NBEAL1: variants seen among roughly 807,000 people sequenced by gnomAD.
The protein encoded by NBEAL1 is neurobeachin-like protein 1.
NBEAL1 carries 273 observed loss-of-function variants against 351.3 expected under a neutral mutation model. The ratio of observed to expected loss-of-function variants is 0.78; its 90% CI spans 0.70 to 0.86. The LOEUF (loss-of-function observed/expected upper bound fraction) is 0.86. NBEAL1 is among the 40% of genes least tolerant of loss of function. The pLI, the probability that NBEAL1 is intolerant of heterozygous loss-of-function variation, is 0.00. For missense variants in NBEAL1, 2,961 were observed against 3,201.3 expected, an observed-to-expected ratio of 0.92 and a Z score of 1.81; for synonymous variants, 1,050 against 1,086.4, an observed-to-expected ratio of 0.97 and a Z score of 0.66.
At chr2:203,137,537 A>G (rs1206128390) in intron 29 of NBEAL1, among the ~76,000 whole-genome samples, 2 of 152,258 alleles carry the variant, frequency 1.3e-5, no homozygotes, top group Non-Finnish European at 2.9e-5. Context: ...CCAGCTTTAA[A>G]GAAACTAATT....
intron 4 of NBEAL1, 189 bp downstream of exon 4, chr2:203,050,164 A>G: frequency 2.0e-6 from 1 of 493,436 alleles, no homozygotes; most frequent in Non-Finnish European, 3.6e-6. Context: ...CCACTATGGC[A>G]TGTGTATACC....
chr2:203,085,182 G>A (rs573586421), intron 10 of NBEAL1: 1 of 152,454 alleles, frequency 6.6e-6, no homozygotes. Context: ...TCCACCTCCT[G>A]GGTTCAAGCA....
chr2:203,171,232 T>G (rs886673994), intron 39 of NBEAL1, among the ~76,000 whole-genome samples: 1 of 152,122 alleles, frequency 6.6e-6, no homozygotes, highest in African/African-American at 2.4e-5. Flanking sequence ...CACTCCAGCC[T>G]GGGCAACAAG....
intron 36 of NBEAL1, among the ~76,000 whole-genome samples, chr2:203,161,399 G>A (rs1343476552): frequency 6.6e-6 from 1 of 151,506 alleles, no homozygotes; most frequent in Non-Finnish European, 1.5e-5. Context: ...GGGAGGCCCA[G>A]GCAGGTGGAT....
chr2:203,174,839 C>T (rs1319681354), intron 41 of NBEAL1, among the ~76,000 whole-genome samples: 1 of 147,944 alleles, frequency 6.8e-6, no homozygotes, highest in Admixed American at 6.9e-5. Context: ...TGCAGTGAGC[C>T]GAGAGCGAGA....
chr2:203,152,685 C>G (rs926107633), intron 35 of NBEAL1, among the ~76,000 whole-genome samples: 1 of 152,072 alleles, frequency 6.6e-6, no homozygotes, highest in Non-Finnish European at 1.5e-5. Context: ...AACTGTCTCA[C>G]TTGTCTTCTC....
At chr2:203,033,840 A>AT (rs2060993058) in intron 2 of NBEAL1, among the ~76,000 whole-genome samples, 1 of 152,148 alleles carries the variant, frequency 6.6e-6, no homozygotes, top group African/African-American at 2.4e-5. Flanking sequence ...ATCTTTGAAC[A>AT]TATCTTGCTG....
chr2:203,188,437 C>A (rs1327231794), intron 44 of NBEAL1, 35 bp from the exon 45 acceptor site: 2 of 1,135,410 alleles, frequency 1.8e-6, no homozygotes, highest in South Asian at 1.9e-5. Flanking sequence ...TGGAAGATAT[C>A]TCTATATTAA....
chr2:203,159,960 C>T (rs1350943843), intron 36 of NBEAL1, among the ~76,000 whole-genome samples: 2 of 151,178 alleles, frequency 1.3e-5, no homozygotes, highest in Non-Finnish European at 2.9e-5. Context: ...GAAGTCGTTT[C>T]TATCTTATTT....
At chr2:203,093,210 C>A (rs572778134) in intron 10 of NBEAL1, among the ~76,000 whole-genome samples, 5 of 107,060 alleles carry the variant, frequency 4.7e-5, no homozygotes, top group Admixed American at 1.5e-4. Flanking sequence ...CCAGCCTGGG[C>A]GACAGAGGGA....
chr2:203,023,962 A>G (rs2105998871), intron 2 of NBEAL1, among the ~76,000 whole-genome samples: 1 of 152,288 alleles, frequency 6.6e-6, no homozygotes. Context: ...AAATAAATAA[A>G]TAGGTGACAG....
At chr2:203,054,845 T>C (rs2061380580) in intron 4 of NBEAL1, among the ~76,000 whole-genome samples, 1 of 152,244 alleles carries the variant, frequency 6.6e-6, no homozygotes, top group Non-Finnish European at 1.5e-5. Context: ...ACTACTAATC[T>C]ATTTTCATTT....
intron 47 of NBEAL1, among the ~76,000 whole-genome samples, chr2:203,195,227 G>A (rs942713786): frequency 1.4e-5 from 2 of 145,708 alleles, no homozygotes; most frequent in Non-Finnish European, 3.1e-5. Flanking sequence ...TTACTCAAAT[G>A]AACAATATTG....
In NBEAL1 at chr2:203,107,405, C is replaced by A; in HGVS notation, c.1270-15C>A. 1 of 1,344,170 alleles carries A rather than the reference C, an allele frequency of 7.4e-7. No homozygotes were observed. Among genetic ancestry groups the A allele is most frequent in the Non-Finnish European group, 1.0e-6 (1 of 967,694 alleles). 83.3% of individuals were successfully genotyped at this position (1,344,170 alleles called of 1,614,324 possible). On this transcript the variant is annotated splice_polypyrimidine_tract_variant and intron_variant, in intron 12 of 55. Coordinates refer to ENST00000683969, the MANE Select transcript of NBEAL1 (RefSeq NM_001378026.1). ...TTGAAAATGTACTTTGATATATTGTCTTCCCATCCCCTAGGAAGTATTTAA... is the reference window on the plus strand; with the variant it reads ...TTGAAAATGTACTTTGATATATTGTATTCCCATCCCCTAGGAAGTATTTAA...
rs2062940246 is a variant in NBEAL1 at position 203,126,565 on chromosome 2, C to T, written c.2994C>T (p.Ser998=). The change falls in exon 22 of 56, where the codon AGC becomes AGT. Residue 998 remains serine, a synonymous_variant. Coordinates refer to ENST00000683969, the MANE Select transcript of NBEAL1 (RefSeq NM_001378026.1). ...CTTCTGTTTGGTTTCAGGTGCCAAGCACCTTGATGGATGTTAATGTGTTGA... is the reference window on the plus strand; with the variant it reads ...CTTCTGTTTGGTTTCAGGTGCCAAGTACCTTGATGGATGTTAATGTGTTGA... ...TLGALLQKVP[S]TLMDVNVLMA... 2 of 1,457,422 alleles carry T rather than the reference C, an allele frequency of 1.4e-6. No homozygotes were observed. Among genetic ancestry groups the T allele is most frequent in the Non-Finnish European group, 1.8e-6 (2 of 1,105,558 alleles). 90.3% of individuals were successfully genotyped at this position (1,457,422 alleles called of 1,614,324 possible).
At chr2:203,054,842 A>C (rs527976899) in intron 4 of NBEAL1, among the ~76,000 whole-genome samples, 182 of 152,282 alleles carry the variant, frequency 1.2e-3, no homozygotes, top group Non-Finnish European at 2.1e-3. Context: ...GTGACTACTA[A>C]TCTATTTTCA....
Position 203,221,081 on chromosome 2 carries a change from A to C in NBEAL1, c.*3727A>C, listed in dbSNP as rs1575144202. Among the ~76,000 whole-genome samples, 1 of 152,240 alleles carries C rather than the reference A, an allele frequency of 6.6e-6. No individual in the cohort carries two copies. The highest frequency in any genetic ancestry group is 2.1e-4 in the South Asian group (1 of 4,828). On this transcript the variant is annotated 3_prime_UTR_variant, in exon 56 of 56. Transcript: ENST00000683969. Reference sequence around the variant, plus strand: ...AGAATAAGTGGGCTCTCAGAATTAGAATTCAGATTTGACGGTTGAATCTTA... The same window carrying C: ...AGAATAAGTGGGCTCTCAGAATTAGCATTCAGATTTGACGGTTGAATCTTA...
chr2:203,051,528 G>A (rs2061322921), intron 4 of NBEAL1, among the ~76,000 whole-genome samples: 1 of 150,882 alleles, frequency 6.6e-6, no homozygotes. Context: ...CCTGGGTGAC[G>A]GAGCGAGACT....
chr2:203,117,367 G>A (rs1315768308), intron 18 of NBEAL1, among the ~76,000 whole-genome samples: 2 of 152,014 alleles, frequency 1.3e-5, no homozygotes, highest in Non-Finnish European at 2.9e-5. Context: ...GGAGGCTGAG[G>A]CAGGAGAATG....
Sources: allele counts gnomAD v4.1 joint callset (sites outside exome capture counted in the v4.1 genomes callset), GRCh38; gene constraint gnomAD v4.1.1; transcripts MANE v1.5; gene names NCBI Gene and HGNC (gene_info 2026-07-23, HGNC 2026-07-21).